Variants in WDR18 observed in about 807,000 individuals in gnomAD.
The protein encoded by WDR18 is WD repeat-containing protein 18.
Under a neutral mutation model 49.6 loss-of-function variants are expected in WDR18, and 33 were observed. That is an observed-to-expected ratio of 0.67 (90% CI 0.50 to 0.89). WDR18 has a LOEUF of 0.89. Ranked by LOEUF, WDR18 falls within the 40% of genes least tolerant of loss-of-function variation. WDR18 has a pLI of 0.00. For missense variants in WDR18, 653 were observed against 593.6 expected, an observed-to-expected ratio of 1.10 and a Z score of -1.04; for synonymous variants, 315 against 263.6, an observed-to-expected ratio of 1.19 and a Z score of -1.89.
rs751312640 is a variant in WDR18 at position 990,940 on chromosome 19, A to G, written c.686A>G (p.His229Arg). 9 of 1,612,684 alleles carry G rather than the reference A, an allele frequency of 5.6e-6. No homozygotes were observed. The highest frequency in any genetic ancestry group is 5.0e-5 in the Admixed American group (3 of 59,996). ...MAVTMDLAEH[H>R]MFCGGSEGSI... ...GTGACCATGGACCTGGCTGAGCACC[A>G]TATGTTCTGCGGGGGCAGTGAGGGC... is the stretch of plus-strand genomic sequence containing the variant. Residue 229 changes from histidine to arginine, a missense_variant, in exon 5 of 10, where the codon CAT (histidine) becomes CGT (arginine). Coordinates refer to ENST00000585809, the MANE Select transcript of WDR18 (RefSeq NM_024100.4).
chr19:994,040 G>A lies in WDR18; in HGVS notation c.1119G>A (p.Leu373=). 1 of 1,559,100 alleles carries A rather than the reference G, an allele frequency of 6.4e-7. No individual in the cohort carries two copies. The highest frequency in any genetic ancestry group is 1.4e-5 in the African/African-American group (1 of 73,632). The change falls in exon 9 of 10, where the codon CTG becomes CTA. Residue 373 remains leucine (L), a synonymous_variant. Coordinates refer to ENST00000585809, the MANE Select transcript of WDR18 (RefSeq NM_024100.4). ...LHQQGSEPSY[L]DRTEQLQAVL... is the part of the protein sequence containing the mutation. The stretch of plus-strand genomic sequence containing the variant: ...TACAGGGCTCGGAGCCCAGCTACCT[G>A]GACCGCACGGAGCAGCTGCAGGCCG...
At chr19:984,190 AGCGGGAAATC>A (rs1435012419), upstream of WDR18, 1 of 751,134 alleles carries the variant, frequency 1.3e-6, no homozygotes, top group Non-Finnish European at 2.0e-6. Context: ...GTCTCAGGTA[AGCGGGAAATC>A]CCACTTCACA....
intron 1 of WDR18, among the ~76,000 whole-genome samples, chr19:985,259 G>A (rs750703392): frequency 6.6e-5 from 10 of 152,158 alleles, no homozygotes; most frequent in Non-Finnish European, 1.5e-4. Context: ...TCTGCCTCTA[G>A]GGTTCAAGCG....
chr19:991,823 C>T lies in WDR18; in HGVS notation c.932-132C>T, dbSNP rs866201383. 2.7e-4 allele frequency: 246 copies of T among 927,264 alleles called. 1 individual carries two copies. Among genetic ancestry groups the T allele is most frequent in the Middle Eastern group, 2.3e-3 (6 of 2,610 alleles). The allele number at this position is 927,264 out of a possible 1,614,324, so 57.4% of individuals were successfully genotyped here. ...GGACTGGTCGTGGGGCGGGGCCTGGCTGGGGGCGTGGACTGGCTGTGGGGC... is the reference window on the plus strand; with the variant it reads ...GGACTGGTCGTGGGGCGGGGCCTGGTTGGGGGCGTGGACTGGCTGTGGGGC... On this transcript the variant is annotated intron_variant, in intron 7 of 9. Transcript: ENST00000585809.
At position 994,044 on chromosome 19, in the gene WDR18, C is replaced by T. The variant is rs762859652; in HGVS notation, c.1123C>T (p.Arg375Cys). The change falls in exon 9 of 10, where the codon CGC (arginine) becomes TGC (cysteine). Residue 375 changes from arginine (R) to cysteine (C), a missense_variant. By Grantham distance (180) the Arg-to-Cys change is radical. Transcript: ENST00000585809. ...QQGSEPSYLD[R>C]TEQLQAVLCS... ...GGGCTCGGAGCCCAGCTACCTGGAC[C>T]GCACGGAGCAGCTGCAGGCCGTCCT... is the stretch of plus-strand genomic sequence containing the variant. 19 of 1,559,708 alleles carry T rather than the reference C, an allele frequency of 1.2e-5. No individual in the cohort carries two copies. The highest frequency in any genetic ancestry group is 1.9e-5 in the Admixed American group (1 of 52,304).
chr19:989,732 C>A, intron 2 of WDR18, 30 bp from the exon 3 acceptor site: 15 of 1,611,668 alleles, frequency 9.3e-6, no homozygotes, highest in Non-Finnish European at 1.3e-5. Context: ...GCTTTCCTCC[C>A]CTGACCTGGA....
intron 8 of WDR18, 66 bp from the exon 9 acceptor site, chr19:993,954 G>A: frequency 6.5e-7 from 1 of 1,528,584 alleles, no homozygotes; most frequent in Non-Finnish European, 8.8e-7. Flanking sequence ...GGCGGGGGTG[G>A]GATGGGCAAA....
chr19:988,351 C>T (rs372715834), intron 2 of WDR18, among the ~76,000 whole-genome samples: 1 of 152,192 alleles, frequency 6.6e-6, no homozygotes, highest in Non-Finnish European at 1.5e-5. Flanking sequence ...TCCCACGCCA[C>T]AGGGACAGGG....
chr19:991,187 T>C, intron 6 of WDR18, 40 bp from the exon 7 acceptor site: 1 of 1,446,828 alleles, frequency 6.9e-7, no homozygotes. Context: ...AGGCACGTCC[T>C]GTCTGGCACG....
intron 7 of WDR18, 49 bp downstream of exon 7, chr19:991,400 C>T: frequency 6.9e-7 from 1 of 1,457,736 alleles, no homozygotes; most frequent in Non-Finnish European, 9.1e-7. Flanking sequence ...GGGAAAAAGC[C>T]AGCAGGAGCT....
chr19:988,232 C>T (rs1164214081), intron 2 of WDR18, among the ~76,000 whole-genome samples: 1 of 152,140 alleles, frequency 6.6e-6, no homozygotes, highest in Admixed American at 6.5e-5. Context: ...CTGCCACGGT[C>T]GAAATCCTCC....
chr19:992,208 C>T (rs2038568617), intron 8 of WDR18, 87 bp downstream of exon 8: 4 of 1,366,622 alleles, frequency 2.9e-6, no homozygotes, highest in Non-Finnish European at 3.8e-6. Flanking sequence ...TTGGTCCTGG[C>T]GCCCGTGCGG....
chr19:989,197 C>A (rs2038512826), intron 2 of WDR18, among the ~76,000 whole-genome samples: 1 of 145,752 alleles, frequency 6.9e-6, no homozygotes, highest in African/African-American at 2.6e-5. Flanking sequence ...CCCACAACCC[C>A]CCCCAGAGCA....
Position 994,330 on chromosome 19 carries a change from C to G in WDR18, c.1285C>G (p.Arg429Gly). 1 of 1,609,662 alleles carries G rather than the reference C, an allele frequency of 6.2e-7. No individual in the cohort carries two copies. Among genetic ancestry groups the G allele is most frequent in the Non-Finnish European group, 8.5e-7 (1 of 1,178,840 alleles). Residue 429 changes from arginine (R) to glycine (G), a missense_variant, in exon 10 of 10, where the codon CGG (arginine) becomes GGG (glycine). Transcript: ENST00000585809. ...LFDFSTRFIT[R>G]PAK ...CGACTTCTCCACGCGCTTCATCACG[C>G]GGCCGGCCAAGTGAGGCCCGGAGAC...
At chr19:990,160 A>G in intron 3 of WDR18, 63 bp from the exon 4 acceptor site, 1 of 1,509,414 alleles carries the variant, frequency 6.6e-7, no homozygotes, top group Non-Finnish European at 8.9e-7. Flanking sequence ...TGGGTGCTGG[A>G]GGCGTGGACT....
chr19:994,222 G>A lies in WDR18; in HGVS notation c.1177G>A (p.Gly393Ser), dbSNP rs1218435774. The change falls in exon 10 of 10, where the codon GGC becomes AGC. Residue 393 changes from glycine to serine, a missense_variant. By Grantham distance (56) the Gly-to-Ser change is moderately conservative. Coordinates refer to ENST00000585809, the MANE Select transcript of WDR18 (RefSeq NM_024100.4). Reference protein sequence around the residue: ...LCSTMEKSVLGGQDQLRVRVT... With the variant: ...LCSTMEKSVLSGQDQLRVRVT... ...CCGACTTCTCCCGCAGAGCGTGCTC[G>A]GCGGCCAGGACCAGCTGCGCGTCCG... The A allele has an allele frequency of 5.0e-6, 8 of 1,603,002 alleles. No individual in the cohort carries two copies. Among genetic ancestry groups the A allele is most frequent in the Non-Finnish European group, 6.8e-6 (8 of 1,176,958 alleles).
chr19:991,077 G>A lies in WDR18; in HGVS notation c.742-4G>A, dbSNP rs761734886. ...GCGGCTCACACACGTCTCGGCCTTC[G>A]CAGCCCGGACAGAGGGAGAGGAGCT... is the stretch of plus-strand genomic sequence containing the variant. On this transcript the variant is annotated splice_region_variant and splice_polypyrimidine_tract_variant and intron_variant, in intron 5 of 9. Coordinates refer to ENST00000585809, the MANE Select transcript of WDR18 (RefSeq NM_024100.4). 12 of 1,603,386 alleles carry A rather than the reference G, an allele frequency of 7.5e-6. No homozygotes were observed. Among genetic ancestry groups the A allele is most frequent in the South Asian group, 3.3e-5 (3 of 89,622 alleles).
intron 7 of WDR18, 118 bp from the exon 8 acceptor site, chr19:991,837 T>A: frequency 9.5e-7 from 1 of 1,047,616 alleles, no homozygotes; most frequent in Non-Finnish European, 1.2e-6. Context: ...GGGCGTGGAC[T>A]GGCTGTGGGG....
rs1455074965 is a variant in WDR18, at chr19:994,106, A to G, written c.1167+18A>G. 6.5e-7 allele frequency: 1 copy of G among 1,531,482 alleles called. No homozygotes were observed. Among genetic ancestry groups the G allele is most frequent in the Non-Finnish European group, 8.8e-7 (1 of 1,133,400 alleles). 94.9% of individuals were successfully genotyped at this position (1,531,482 alleles called of 1,614,324 possible). A position where few individuals can be genotyped will look rare whatever the true frequency, so the allele number is the denominator to read the frequency against. ...TGGAGAAGGTGGGCGGGGCCTCGGG[A>G]GGGGCGGGGCCTGAGGCTGGGGTCA... On this transcript the variant is annotated intron_variant, in intron 9 of 9. Transcript: ENST00000585809.
Sources: gnomAD v4.1 joint callset for allele counts (sites outside exome capture counted in the v4.1 genomes callset) on GRCh38, gnomAD v4.1.1 for gene constraint, MANE v1.5 for transcripts, NCBI Gene and HGNC (gene_info 2026-07-23, HGNC 2026-07-21) for gene names.